Variants in SDK1 observed in about 807,000 individuals in gnomAD.
SDK1 encodes sidekick cell adhesion molecule 1, also known as protein sidekick-1.
A neutral mutation model predicts 245.5 loss-of-function variants in SDK1; 157 were observed. The observed-to-expected ratio is 0.64, with a 90% CI of 0.56 to 0.73. The LOEUF is 0.73. SDK1 is among the 30% of genes least tolerant of loss of function. The probability of loss-of-function intolerance (pLI) is 0.00; values close to 1 mark genes in which losing one functional copy is unlikely to be tolerated. For synonymous variants in SDK1, 1,647 were observed against 1,278.5 expected, an observed-to-expected ratio of 1.29 and a Z score of -6.15; for missense variants, 3,583 against 3,002.3, an observed-to-expected ratio of 1.19 and a Z score of -4.52.
chr7:3,991,415 A>G (rs150862361), intron 14 of SDK1, among the ~76,000 whole-genome samples: 3 of 152,110 alleles, frequency 2.0e-5, no homozygotes, highest in African/African-American at 4.8e-5. Flanking sequence ...GCTGTTCTAC[A>G]TGCTTCCCTT....
At chr7:4,084,577 C>T (rs894680390) in intron 22 of SDK1, among the ~76,000 whole-genome samples, 1 of 152,140 alleles carries the variant, frequency 6.6e-6, no homozygotes, top group Admixed American at 6.5e-5. Flanking sequence ...TCGACACCTT[C>T]CCAGTAGACA....
At chr7:3,548,868 TAAAG>T (rs1185213042) in intron 1 of SDK1, among the ~76,000 whole-genome samples, 16 of 152,210 alleles carry the variant, frequency 1.1e-4, no homozygotes, top group South Asian at 2.1e-4. Context: ...AATAAGCTCA[TAAAG>T]AAAGTATCAC....
chr7:3,389,983 A>T (rs922681932), intron 1 of SDK1, among the ~76,000 whole-genome samples: 7 of 152,134 alleles, frequency 4.6e-5, no homozygotes, highest in African/African-American at 1.4e-4. Flanking sequence ...TGAGCTTGTT[A>T]TTGGTAAGTG....
intron 4 of SDK1, among the ~76,000 whole-genome samples, chr7:3,667,941 T>C (rs1783585275): frequency 6.6e-6 from 1 of 152,242 alleles, no homozygotes; most frequent in Non-Finnish European, 1.5e-5. Flanking sequence ...ACATAAGCCT[T>C]TATTTTGCCC....
intron 5 of SDK1, among the ~76,000 whole-genome samples, chr7:3,891,725 C>A (rs781767929): frequency 6.6e-6 from 1 of 152,178 alleles, no homozygotes; most frequent in Non-Finnish European, 1.5e-5. Flanking sequence ...GATAATCCAA[C>A]TAAAGGTTTC....
chr7:4,074,886 G>GTGTGTATA (rs1401453083), intron 20 of SDK1, among the ~76,000 whole-genome samples: 5 of 48,106 alleles, frequency 1.0e-4, no homozygotes, highest in African/African-American at 7.9e-4. Flanking sequence ...CTCTCTCTCT[G>GTGTGTATA]TATATATATA....
chr7:3,734,262 A>G lies in SDK1; in HGVS notation c.714-87188A>G, dbSNP rs540380327. Reference sequence around the variant, plus strand: ...AGGCCTATTAGCAGAGACCTAATACATAATTGGTGTTCTGGAAGAAATGGA... The same window carrying G: ...AGGCCTATTAGCAGAGACCTAATACGTAATTGGTGTTCTGGAAGAAATGGA... On this transcript the variant is annotated intron_variant, in intron 4 of 44. Transcript: ENST00000404826. Among the ~76,000 whole-genome samples, 4 of 152,354 alleles carry G rather than the reference A, an allele frequency of 2.6e-5. 1 individual carries two copies. Among genetic ancestry groups the G allele is most frequent in the African/African-American group, 9.6e-5 (4 of 41,574 alleles).
intron 5 of SDK1, among the ~76,000 whole-genome samples, chr7:3,880,571 A>C (rs543159260): frequency 7.5e-4 from 95 of 126,720 alleles, no homozygotes; most frequent in African/African-American, 2.1e-3. Flanking sequence ...TTTTTTTTTA[A>C]GAACATGCAG....
At chr7:3,396,397 A>G (rs73296355) in intron 1 of SDK1, among the ~76,000 whole-genome samples, 1,694 of 151,876 alleles carry the variant, frequency 0.011, 38 homozygotes, top group African/African-American at 0.039. Flanking sequence ...GATGTGTGTT[A>G]AGGTAAGTTG....
intron 4 of SDK1, among the ~76,000 whole-genome samples, chr7:3,748,112 A>G (rs1278265144): frequency 1.3e-5 from 2 of 152,218 alleles, no homozygotes; most frequent in East Asian, 1.9e-4. Flanking sequence ...TATTTTAATG[A>G]TAAATGATGA....
intron 10 of SDK1, among the ~76,000 whole-genome samples, chr7:3,968,237 A>C (rs1017832861): frequency 1.3e-5 from 2 of 152,216 alleles, no homozygotes; most frequent in Non-Finnish European, 2.9e-5. Flanking sequence ...GCTTCAGCCC[A>C]CTGTGGGTTC....
intron 1 of SDK1, among the ~76,000 whole-genome samples, chr7:3,581,972 G>C (rs1293998652): frequency 6.6e-6 from 1 of 152,230 alleles, no homozygotes; most frequent in South Asian, 2.1e-4. Flanking sequence ...GAGGGGAACA[G>C]ACACCGGGGC....
chr7:3,696,224 C>T (rs1529660), intron 4 of SDK1, among the ~76,000 whole-genome samples: 121,988 of 151,938 alleles, frequency 0.8, 49,100 homozygotes, highest in African/African-American at 0.83. Context: ...CCTAAGCTCC[C>T]ACCACTCACT....
intron 4 of SDK1, among the ~76,000 whole-genome samples, chr7:3,735,698 CAT>C (rs1314279283): frequency 1.7e-4 from 26 of 152,196 alleles, no homozygotes; most frequent in Non-Finnish European, 2.9e-5. Context: ...ATTGTTAGAT[CAT>C]ATGATAATTC....
chr7:3,831,634 A>G (rs916500661), intron 5 of SDK1, among the ~76,000 whole-genome samples: 5 of 152,148 alleles, frequency 3.3e-5, no homozygotes, highest in African/African-American at 1.2e-4. Context: ...TCAGTTTCCA[A>G]TTTTAAGGAC....
intron 5 of SDK1, among the ~76,000 whole-genome samples, chr7:3,838,031 G>C (rs1262404945): frequency 6.6e-6 from 1 of 152,176 alleles, no homozygotes; most frequent in Admixed American, 6.5e-5. Flanking sequence ...CCTGTATTTT[G>C]TATACTGAAG....
intron 35 of SDK1, among the ~76,000 whole-genome samples, chr7:4,204,304 T>C (rs905213404): frequency 6.6e-6 from 1 of 152,232 alleles, no homozygotes; most frequent in Non-Finnish European, 1.5e-5. Context: ...ATTGTTTTTT[T>C]GTGTGATTCT....
chr7:4,237,865 G>T, intron 42 of SDK1, 81 bp downstream of exon 42: 3 of 1,511,962 alleles, frequency 2.0e-6, no homozygotes, highest in Non-Finnish European at 9.1e-7. Flanking sequence ...TGGATCTGCC[G>T]GGCCCGTGTC....
At chr7:3,466,787 G>T (rs191308065) in intron 1 of SDK1, among the ~76,000 whole-genome samples, 4 of 151,552 alleles carry the variant, frequency 2.6e-5, no homozygotes, top group Non-Finnish European at 4.4e-5. Flanking sequence ...CTCTAAAGCA[G>T]AGTTAAATTG....
Sources: gnomAD v4.1 joint callset for allele counts (sites outside exome capture counted in the v4.1 genomes callset) on GRCh38, gnomAD v4.1.1 for gene constraint, MANE v1.5 for transcripts, NCBI Gene and HGNC (gene_info 2026-07-23, HGNC 2026-07-21) for gene names.